The following RSF1 variants were observed in gnomAD, a reference collection of about 807,000 sequenced individuals.
RSF1 encodes the protein remodeling and spacing factor 1, also known as HBV pX-associated protein 8.
A neutral mutation model predicts 145.2 loss-of-function variants in RSF1; 13 were observed. That is an observed-to-expected ratio of 0.09 (90% CI 0.06 to 0.14). The LOEUF is 0.14. Ranked by LOEUF, RSF1 falls within the 10% of genes least tolerant of loss-of-function variation. RSF1 has a pLI of 1.00. For missense variants in RSF1, 1,517 were observed against 1,718.2 expected, an observed-to-expected ratio of 0.88 and a Z score of 2.07; for synonymous variants, 577 against 592.6, an observed-to-expected ratio of 0.97 and a Z score of 0.38.
At chr11:77,694,204 T>C (rs1316559673) in intron 7 of RSF1, among the ~76,000 whole-genome samples, 1 of 152,246 alleles carries the variant, frequency 6.6e-6, no homozygotes. Flanking sequence ...ATAAAGGCTA[T>C]AACAACATAT....
chr11:77,746,360 A>C (rs1168256216), intron 3 of RSF1, among the ~76,000 whole-genome samples: 1 of 152,198 alleles, frequency 6.6e-6, no homozygotes, highest in Admixed American at 6.5e-5. Context: ...CTATAGTCTT[A>C]TCTAGCTCCA....
chr11:77,776,378 T>C (rs1948342600), intron 1 of RSF1, among the ~76,000 whole-genome samples: 1 of 152,192 alleles, frequency 6.6e-6, no homozygotes, highest in Non-Finnish European at 1.5e-5. Flanking sequence ...CTCCATTTCT[T>C]TGTGAAATTT....
At chr11:77,694,617 A>AT (rs1348227421) in intron 7 of RSF1, among the ~76,000 whole-genome samples, 2 of 152,206 alleles carry the variant, frequency 1.3e-5, no homozygotes, top group Non-Finnish European at 2.9e-5. Flanking sequence ...CCTTCACCCA[A>AT]TTTTTAACAC....
At chr11:77,799,310 G>C (rs1429926908) in intron 1 of RSF1, among the ~76,000 whole-genome samples, 1 of 151,948 alleles carries the variant, frequency 6.6e-6, no homozygotes, top group Non-Finnish European at 1.5e-5. Flanking sequence ...AGGAATCTGA[G>C]ACCAGCTTGC....
chr11:77,816,615 T>C (rs1452064699), intron 1 of RSF1, among the ~76,000 whole-genome samples: 1 of 152,218 alleles, frequency 6.6e-6, no homozygotes, highest in Non-Finnish European at 1.5e-5. Flanking sequence ...ATATGTAACA[T>C]CTCAACCAAT....
upstream of RSF1, chr11:77,821,124 A>G (rs1157491497): frequency 4.7e-6 from 2 of 424,488 alleles, no homozygotes; most frequent in South Asian, 6.3e-5. Flanking sequence ...GTTCAACTGC[A>G]GGGCGTATTC....
chr11:77,714,024 A>G (rs563955579), intron 5 of RSF1, among the ~76,000 whole-genome samples: 1 of 152,336 alleles, frequency 6.6e-6, no homozygotes, highest in East Asian at 1.9e-4. Flanking sequence ...TGCCAATTTC[A>G]TAACTTTAGA....
At position 77,761,577 on chromosome 11, in the gene RSF1, G is replaced by A. The variant is rs189818061; in HGVS notation, c.279+3021C>T. Among the ~76,000 whole-genome samples, 20 of 152,292 alleles carry A rather than the reference G, an allele frequency of 1.3e-4. No individual in the cohort carries two copies. The East Asian group carries it at 3.5e-3, about 26-fold the overall frequency. ...AGGTACTAAATTTGTGAAGGCATGT[G>A]AAGGCAAATTGTTATTTAGCATAGT... On this transcript the variant is annotated intron_variant, in intron 2 of 15. Coordinates refer to ENST00000308488, the MANE Select transcript of RSF1 (RefSeq NM_016578.4).
the RSF1 span, among the ~76,000 whole-genome samples, chr11:77,848,128 G>T: frequency 1.3e-5 from 2 of 152,052 alleles, no homozygotes; most frequent in East Asian, 1.9e-4. Flanking sequence ...TATTTAATTT[G>T]GGCAGTCTGT....
Position 77,735,142 on chromosome 11 carries a change from G to T in RSF1, c.578+5589C>A, listed in dbSNP as rs370361895. 1.4e-5 allele frequency: 10 copies of T among 714,512 alleles called. No individual in the cohort carries two copies. In the East Asian group the frequency reaches 1.6e-4, roughly 11 times the overall value. The allele number at this position is 714,512 out of a possible 1,614,324, so 44.3% of individuals were successfully genotyped here. A position where few individuals can be genotyped will look rare whatever the true frequency, so the allele number is the denominator to read the frequency against. ...GAAGAGGTGAGGGAGGGCTGGCTAT[G>T]GGCGGCCGGCTGGGGTGGGGGACGA... is the stretch of plus-strand genomic sequence containing the variant. On this transcript the variant is annotated intron_variant, in intron 4 of 15. Transcript: ENST00000308488.
At chr11:77,731,099 A>T (rs2135895440) in intron 4 of RSF1, among the ~76,000 whole-genome samples, 1 of 152,316 alleles carries the variant, frequency 6.6e-6, no homozygotes, top group East Asian at 1.9e-4. Context: ...CTTCCTAGAG[A>T]CTTGTTGAAT....
intron 4 of RSF1, among the ~76,000 whole-genome samples, chr11:77,728,344 T>C (rs1166890110): frequency 1.3e-5 from 2 of 152,288 alleles, no homozygotes; most frequent in East Asian, 3.9e-4. Flanking sequence ...TGATTTATAT[T>C]ACACGGATAA....
chr11:77,861,877 C>T, the RSF1 span, among the ~76,000 whole-genome samples: 1 of 152,098 alleles, frequency 6.6e-6, no homozygotes, highest in African/African-American at 2.4e-5. Context: ...AACAGGGTTT[C>T]TAAGTTTTTT....
At chr11:77,832,951 A>ATATGTG in the RSF1 span, among the ~76,000 whole-genome samples, 3 of 68,416 alleles carry the variant, frequency 4.4e-5, no homozygotes, top group Non-Finnish European at 7.9e-5. Flanking sequence ...GTATATATAT[A>ATATGTG]TGTGTGTGTG....
the RSF1 span, among the ~76,000 whole-genome samples, chr11:77,830,987 C>CAAAAA: frequency 1.5e-3 from 148 of 100,478 alleles, 1 homozygote; most frequent in Middle Eastern, 6.4e-3. Flanking sequence ...CAAAATATAC[C>CAAAAA]AAAAAAAAAA....
intron 1 of RSF1, among the ~76,000 whole-genome samples, chr11:77,775,662 C>T (rs1948335155): frequency 6.6e-6 from 1 of 152,092 alleles, no homozygotes. Flanking sequence ...GGGCCAGGTC[C>T]GGTGGTTCAC....
chr11:77,681,671 C>T (rs1959865610), intron 11 of RSF1, among the ~76,000 whole-genome samples: 1 of 152,204 alleles, frequency 6.6e-6, no homozygotes, highest in Non-Finnish European at 1.5e-5. Flanking sequence ...CTACAAAACA[C>T]ACATACCTAA....
intron 1 of RSF1, among the ~76,000 whole-genome samples, chr11:77,773,413 G>A (rs71469580): frequency 0.062 from 9,456 of 151,658 alleles, 421 homozygotes; most frequent in Non-Finnish European, 0.096. Context: ...AACTGATTTC[G>A]GAAAATTTTA....
At chr11:77,792,772 C>T (rs896457137) in intron 1 of RSF1, among the ~76,000 whole-genome samples, 4 of 148,174 alleles carry the variant, frequency 2.7e-5, no homozygotes, top group Admixed American at 6.7e-5. Context: ...AGATACTATA[C>T]CTACCAAAAT....
Sources: allele counts gnomAD v4.1 joint callset (sites outside exome capture counted in the v4.1 genomes callset), GRCh38; gene constraint gnomAD v4.1.1; transcripts MANE v1.5; gene names NCBI Gene and HGNC (gene_info 2026-07-23, HGNC 2026-07-21).